The following CSMD1 variants were observed in gnomAD, a reference collection of about 807,000 sequenced individuals.
The protein encoded by CSMD1 is CUB and sushi domain-containing protein 1.
Under a neutral mutation model 417.5 loss-of-function variants are expected in CSMD1, and 213 were observed. The observed-to-expected ratio is 0.51, with a 90% CI of 0.46 to 0.57. The LOEUF (loss-of-function observed/expected upper bound fraction) is 0.57, where lower values mean the gene tolerates loss of function less well. CSMD1 is among the 20% of genes least tolerant of loss of function. CSMD1 has a pLI of 0.00. For synonymous variants in CSMD1, 2,862 were observed against 1,736.8 expected (o/e 1.65, Z -16.11); for missense variants, 6,923 against 4,529.7 (o/e 1.53, Z -15.17).
chr8:3,689,832 G>A (rs1262550311), intron 7 of CSMD1, among the ~76,000 whole-genome samples: 2 of 152,066 alleles, frequency 1.3e-5, no homozygotes, highest in African/African-American at 4.8e-5. Context: ...CCAAACTACT[G>A]GGCTCAGAAA....
chr8:4,831,650 T>C (rs1222834789), intron 1 of CSMD1, among the ~76,000 whole-genome samples: 2 of 152,216 alleles, frequency 1.3e-5, no homozygotes, highest in African/African-American at 2.4e-5. Context: ...GGTCATGGAA[T>C]GATGATACTC....
chr8:4,353,189 A>T (rs1801198782), intron 3 of CSMD1, among the ~76,000 whole-genome samples: 1 of 152,152 alleles, frequency 6.6e-6, no homozygotes, highest in African/African-American at 2.4e-5. Context: ...CCCACGTGTC[A>T]AGTGTGGAGC....
chr8:3,064,422 C>T (rs1054382320), intron 49 of CSMD1, among the ~76,000 whole-genome samples: 1 of 152,136 alleles, frequency 6.6e-6, no homozygotes, highest in Non-Finnish European at 1.5e-5. Flanking sequence ...GCTTCCCCTT[C>T]GCTTTCTGCC....
rs1156769717 is a variant in CSMD1 at position 3,786,807 on chromosome 8, G to A, written c.819-32765C>T. 2.0e-5 allele frequency among the ~76,000 whole-genome samples: 3 copies of A among 152,246 alleles called. No homozygotes were observed. In the East Asian group the frequency reaches 5.8e-4, roughly 29 times the overall value. ...CTTGCGTCCTCAGGTGGTAGAGAGA[G>A]AAGAAGGAAACAGAATCTCTACTGG... On this transcript the variant is annotated intron_variant, in intron 5 of 69. Coordinates refer to ENST00000635120, the MANE Select transcript of CSMD1 (RefSeq NM_033225.6).
chr8:4,134,830 G>A (rs1041984430), intron 3 of CSMD1, among the ~76,000 whole-genome samples: 2 of 152,126 alleles, frequency 1.3e-5, no homozygotes, highest in Non-Finnish European at 2.9e-5. Context: ...CTTGGCCTTG[G>A]CTGTTGAAAA....
intron 1 of CSMD1, among the ~76,000 whole-genome samples, chr8:4,811,357 G>C (rs1798893996): frequency 6.6e-6 from 1 of 151,982 alleles, no homozygotes; most frequent in Non-Finnish European, 1.5e-5. Flanking sequence ...CTTGAGTATT[G>C]GCCCCCTGTA....
chr8:4,277,015 G>T (rs1423320590), intron 3 of CSMD1, among the ~76,000 whole-genome samples: 1 of 152,056 alleles, frequency 6.6e-6, no homozygotes, highest in East Asian at 1.9e-4. Context: ...TTTAAATTCA[G>T]AGAAAGGTCA....
chr8:3,545,691 C>G (rs1027550070), intron 10 of CSMD1, among the ~76,000 whole-genome samples: 2 of 152,166 alleles, frequency 1.3e-5, no homozygotes, highest in African/African-American at 2.4e-5. Context: ...ATTGAGGACA[C>G]TTAACTGCGA....
At chr8:4,846,052 A>T (rs1563572617) in intron 1 of CSMD1, among the ~76,000 whole-genome samples, 1 of 152,132 alleles carries the variant, frequency 6.6e-6, no homozygotes, top group Admixed American at 6.5e-5. Flanking sequence ...ACTTTTGCCA[A>T]TCCCGGTTTG....
chr8:4,566,832 C>A (rs1585259606), intron 2 of CSMD1, among the ~76,000 whole-genome samples: 1 of 152,018 alleles, frequency 6.6e-6, no homozygotes, highest in East Asian at 1.9e-4. Context: ...CTGGGCCTTA[C>A]TGTATGAAGA....
chr8:3,902,452 A>AT (rs548451464), intron 5 of CSMD1, among the ~76,000 whole-genome samples: 7,036 of 151,500 alleles, frequency 0.046, 349 homozygotes, highest in African/African-American at 0.13. Context: ...CATGAAAGAC[A>AT]TTTTTTTTTC....
At chr8:3,972,245 A>C (rs1225650516) in intron 5 of CSMD1, among the ~76,000 whole-genome samples, 4 of 152,192 alleles carry the variant, frequency 2.6e-5, no homozygotes, top group Non-Finnish European at 5.9e-5. Flanking sequence ...ACTTCAATTA[A>C]ATAGTATTGA....
chr8:3,982,552 G>T (rs1813962177), intron 5 of CSMD1, among the ~76,000 whole-genome samples: 2 of 151,942 alleles, frequency 1.3e-5, no homozygotes, highest in Admixed American at 1.3e-4. Context: ...CTAGGATTAT[G>T]TGCACTAGAA....
chr8:4,091,906 T>C (rs966914747), intron 3 of CSMD1, among the ~76,000 whole-genome samples: 3 of 152,174 alleles, frequency 2.0e-5, no homozygotes, highest in African/African-American at 2.4e-5. Flanking sequence ...GAGTTTTAAA[T>C]AGTCAGTGCT....
At chr8:3,730,240 C>A (rs975596803) in intron 6 of CSMD1, among the ~76,000 whole-genome samples, 3 of 152,172 alleles carry the variant, frequency 2.0e-5, no homozygotes, top group Middle Eastern at 3.4e-3. Flanking sequence ...TGGTTAAATT[C>A]GAGATGAGAA....
At chr8:3,630,537 G>T (rs776368340) in intron 7 of CSMD1, among the ~76,000 whole-genome samples, 7 of 152,204 alleles carry the variant, frequency 4.6e-5, no homozygotes, top group African/African-American at 1.7e-4. Flanking sequence ...TACTCCTACA[G>T]ACCCAGGCAA....
rs183902256 is a variant in CSMD1, at chr8:3,181,845, G to A, written c.5621-631C>T. On this transcript the variant is annotated intron_variant, in intron 36 of 69. Coordinates refer to ENST00000635120, the MANE Select transcript of CSMD1 (RefSeq NM_033225.6). ...GATTGGAAAGGGCAATACAGATACCGAGGACCAGGGTAAGAAAGAAGTAAT... is the reference window on the plus strand; with the variant it reads ...GATTGGAAAGGGCAATACAGATACCAAGGACCAGGGTAAGAAAGAAGTAAT... Among the ~76,000 whole-genome samples, 55 of 152,302 alleles carry A rather than the reference G, an allele frequency of 3.6e-4. 1 individual carries two copies. In the East Asian group the frequency reaches 4.8e-3, roughly 13 times the overall value.
At chr8:3,796,456 G>C (rs1190828376) in intron 5 of CSMD1, among the ~76,000 whole-genome samples, 10 of 131,180 alleles carry the variant, frequency 7.6e-5, no homozygotes, top group African/African-American at 2.6e-4. Context: ...TATAGATATA[G>C]ATATCTATCA....
intron 5 of CSMD1, among the ~76,000 whole-genome samples, chr8:3,975,739 A>T (rs1250800810): frequency 6.6e-6 from 1 of 152,252 alleles, no homozygotes; most frequent in South Asian, 2.1e-4. Context: ...ACTTTAAAAT[A>T]AAACAGAAAA....
Sources: gnomAD v4.1 joint callset for allele counts (sites outside exome capture counted in the v4.1 genomes callset) on GRCh38, gnomAD v4.1.1 for gene constraint, MANE v1.5 for transcripts, NCBI Gene and HGNC (gene_info 2026-07-23, HGNC 2026-07-21) for gene names.